TUBGCP3: variants seen among roughly 807,000 people sequenced by gnomAD.
The protein encoded by TUBGCP3 is tubulin gamma complex component 3, also known as gamma-tubulin complex component 3.
A neutral mutation model predicts 123.1 loss-of-function variants in TUBGCP3; 50 were observed. The ratio of observed to expected loss-of-function variants is 0.41; its 90% CI spans 0.32 to 0.51. The LOEUF is 0.51. Ranked by LOEUF, TUBGCP3 falls within the 20% of genes least tolerant of loss-of-function variation. The pLI is 0.36. For missense variants in TUBGCP3, 882 were observed against 1,127.0 expected, an observed-to-expected ratio of 0.78 and a Z score of 3.11; for synonymous variants, 405 against 413.9, an observed-to-expected ratio of 0.98 and a Z score of 0.26.
intron 17 of TUBGCP3, among the ~76,000 whole-genome samples, chr13:112,505,911 C>T (rs1055613058): frequency 4.6e-5 from 7 of 152,084 alleles, no homozygotes; most frequent in Non-Finnish European, 8.8e-5. Flanking sequence ...CTCACCTGCC[C>T]GGTGCCTGGG....
intron 1 of TUBGCP3, among the ~76,000 whole-genome samples, chr13:112,571,511 A>C (rs529421125): frequency 6.6e-6 from 1 of 152,330 alleles, no homozygotes; most frequent in Admixed American, 6.5e-5. Context: ...TAGATTTAGC[A>C]TAACTCCTAA....
chr13:112,518,448 G>A (rs530951410), intron 16 of TUBGCP3, among the ~76,000 whole-genome samples: 92 of 152,252 alleles, frequency 6.0e-4, no homozygotes, highest in Non-Finnish European at 1.1e-3. Context: ...TTAAAAATGC[G>A]CACTAAAAAG....
intron 11 of TUBGCP3, among the ~76,000 whole-genome samples, chr13:112,529,660 T>A (rs1015408900): frequency 6.6e-6 from 1 of 152,060 alleles, no homozygotes; most frequent in Non-Finnish European, 1.5e-5. Flanking sequence ...TCCCAATACC[T>A]AGAATCAGCC....
At chr13:112,583,163 T>C (rs1882389516) in intron 1 of TUBGCP3, among the ~76,000 whole-genome samples, 1 of 152,230 alleles carries the variant, frequency 6.6e-6, no homozygotes, top group Admixed American at 6.5e-5. Flanking sequence ...ACCATAATTC[T>C]ACCACAGTAT....
rs1881131165 is a variant in TUBGCP3, at chr13:112,504,282, G to C, written c.2176-119C>G. ...GCGGGCAGATCACCTGAGATCAGGAGTTAGAAACCAGCCTGGCCAACATGG... is the reference window on the plus strand; with the variant it reads ...GCGGGCAGATCACCTGAGATCAGGACTTAGAAACCAGCCTGGCCAACATGG... On this transcript the variant is annotated intron_variant, in intron 18 of 21. Transcript: ENST00000261965. 5.3e-6 allele frequency: 7 copies of C among 1,318,438 alleles called. 1 individual carries two copies. The South Asian group carries it at 8.7e-5, about 16-fold the overall frequency. 81.7% of individuals were successfully genotyped at this position (1,318,438 alleles called of 1,614,324 possible).
At chr13:112,540,391 C>A (rs1217984619) in intron 11 of TUBGCP3, among the ~76,000 whole-genome samples, 1 of 142,888 alleles carries the variant, frequency 7.0e-6, no homozygotes, top group African/African-American at 2.5e-5. Context: ...GGAGTGATGA[C>A]GTCAATGTAG....
chr13:112,494,172 C>T (rs1880365087), intron 20 of TUBGCP3, among the ~76,000 whole-genome samples: 2 of 151,858 alleles, frequency 1.3e-5, no homozygotes, highest in South Asian at 2.1e-4. Flanking sequence ...GCCTGGTGTG[C>T]CTGAGACGCT....
Position 112,555,076 on chromosome 13 carries a change from A to G in TUBGCP3, c.722-71T>C, listed in dbSNP as rs113427100. 2.2e-3 allele frequency: 2,166 copies of G among 962,862 alleles called. 32 individuals carry two copies. In the African/African-American group the frequency reaches 0.031, roughly 14 times the overall value. 59.6% of individuals were successfully genotyped at this position (962,862 alleles called of 1,614,324 possible). A position where few individuals can be genotyped will look rare whatever the true frequency, so the allele number is the denominator to read the frequency against. On this transcript the variant is annotated intron_variant, in intron 6 of 21. Transcript: ENST00000261965. ...AACAGACAATAGATATTATGGTGCA[A>G]TTAGCTTCAGATTAGATATTTGCCA...
chr13:112,556,040 A>G lies in TUBGCP3; in HGVS notation c.721+12T>C. On this transcript the variant is annotated intron_variant, in intron 6 of 21. Coordinates refer to ENST00000261965, the MANE Select transcript of TUBGCP3 (RefSeq NM_006322.6). ...TCACAGAAAAGCTGTATTAACATAG[A>G]TCCTTACTCACCACCCGTATCCCCT... The G allele has an allele frequency of 1.2e-6, 2 of 1,608,806 alleles. No homozygotes were observed. The highest frequency in any genetic ancestry group is 1.7e-5 in the Admixed American group (1 of 59,836).
intron 13 of TUBGCP3, among the ~76,000 whole-genome samples, chr13:112,525,120 T>A (rs138692804): frequency 6.6e-6 from 1 of 152,290 alleles, no homozygotes; most frequent in East Asian, 1.9e-4. Flanking sequence ...CTACATGAGG[T>A]CCTAGTCTGT....
At chr13:112,581,687 C>G (rs542822005) in intron 1 of TUBGCP3, among the ~76,000 whole-genome samples, 1 of 152,268 alleles carries the variant, frequency 6.6e-6, no homozygotes, top group Non-Finnish European at 1.5e-5. Flanking sequence ...ATCAAGCAAT[C>G]CTCCCGCCTT....
At chr13:112,531,798 A>C (rs1327848151) in intron 11 of TUBGCP3, among the ~76,000 whole-genome samples, 1 of 152,178 alleles carries the variant, frequency 6.6e-6, no homozygotes, top group Non-Finnish European at 1.5e-5. Flanking sequence ...AATTCTGTGA[A>C]AAATATAGAG....
chr13:112,498,336 G>C (rs1279241259), intron 20 of TUBGCP3, among the ~76,000 whole-genome samples: 1 of 152,014 alleles, frequency 6.6e-6, no homozygotes, highest in Non-Finnish European at 1.5e-5. Context: ...CTCGGAGAGG[G>C]GATGCAAGTC....
At position 112,519,029 on chromosome 13, in the gene TUBGCP3, G is replaced by C. The variant is rs1480511317; in HGVS notation, c.1896C>G (p.Asp632Glu). The change falls in exon 16 of 22, where the codon GAC (aspartate) becomes GAG (glutamate). Residue 632 changes from aspartate (D) to glutamate (E), a missense_variant. Physicochemically the swap from Asp to Glu is conservative, Grantham distance 45 (BLOSUM62 2). Coordinates refer to ENST00000261965, the MANE Select transcript of TUBGCP3 (RefSeq NM_006322.6). The surrounding 1 kb of genome is among the most constrained non-coding windows in gnomAD (Gnocchi z 6.2). ...DVRLLEVSPG[D>E]TGWDVFSLDY... ...CGAGGCTGAAGACATCCCATCCAGT[G>C]TCACCTGGAGAGACCTAACAACAGA... is the stretch of plus-strand genomic sequence containing the variant. The C allele has an allele frequency of 6.2e-7, 1 of 1,613,328 alleles. No individual in the cohort carries two copies. The highest frequency in any genetic ancestry group is 8.5e-7 in the Non-Finnish European group (1 of 1,179,228).
At chr13:112,555,885 A>G (rs1287395052) in intron 6 of TUBGCP3, among the ~76,000 whole-genome samples, 167 bp downstream of exon 6, 1 of 152,058 alleles carries the variant, frequency 6.6e-6, no homozygotes, top group East Asian at 1.9e-4. Context: ...GAAAAGCCAA[A>G]CTCCCCAAGG....
At position 112,558,308 on chromosome 13, in the gene TUBGCP3, G is replaced by A. The variant is rs371976077; in HGVS notation, c.436C>T (p.Arg146Trp). The A allele has an allele frequency of 2.1e-5, 34 of 1,613,784 alleles. No homozygotes were observed. Among genetic ancestry groups the A allele is most frequent in the Non-Finnish European group, 2.7e-5 (32 of 1,180,040 alleles). Residue 146 changes from arginine (R) to tryptophan (W), a missense_variant, in exon 5 of 22, where the codon CGG becomes TGG. This residue lies in a region of TUBGCP3 where 713 missense variants were observed against 874.0 expected (regional missense o/e 0.82). Coordinates refer to ENST00000261965, the MANE Select transcript of TUBGCP3 (RefSeq NM_006322.6). ...PQTLPLSYQDRSAQSAQSSGS... is the reference protein window; with the variant it reads ...PQTLPLSYQDWSAQSAQSSGS... ...GAGCTCTGGGCTGACTGGGCACTCC[G>A]ATCTTGGTAGCTCAGGGGAAGGGTC...
chr13:112,582,816 C>T lies in TUBGCP3; in HGVS notation c.76+5089G>A, dbSNP rs1159906859. 2.0e-5 allele frequency among the ~76,000 whole-genome samples: 3 copies of T among 152,182 alleles called. No homozygotes were observed. The East Asian group carries it at 5.8e-4, about 29-fold the overall frequency. ...GGTTCCTGGAAGGGGAGTGAACACT[C>T]CTCTGATGATCCTCTGAAATTATTT... On this transcript the variant is annotated intron_variant, in intron 1 of 21. Coordinates refer to ENST00000261965, the MANE Select transcript of TUBGCP3 (RefSeq NM_006322.6).
the TUBGCP3 span, among the ~76,000 whole-genome samples, chr13:112,599,624 A>G: frequency 6.6e-6 from 1 of 152,112 alleles, no homozygotes. Flanking sequence ...CTCCTACCTC[A>G]GCCTCCTGAG....
chr13:112,489,971 T>C lies in TUBGCP3; in HGVS notation c.2449-274A>G, dbSNP rs553695150. Reference sequence around the variant, plus strand: ...ATTGTATAACATGTAACAAGGTATATAATTCATCTCATTTCATGGGATGAA... The same window carrying C: ...ATTGTATAACATGTAACAAGGTATACAATTCATCTCATTTCATGGGATGAA... On this transcript the variant is annotated intron_variant, in intron 20 of 21. Transcript: ENST00000261965. 748 of 466,870 alleles carry C rather than the reference T, an allele frequency of 1.6e-3. 3 individuals are homozygous for C. The highest frequency in any genetic ancestry group is 2.2e-3 in the Non-Finnish European group (568 of 261,672). The allele number at this position is 466,870 out of a possible 1,614,324, so 28.9% of individuals were successfully genotyped here. A position where few individuals can be genotyped will look rare whatever the true frequency, so the allele number is the denominator to read the frequency against.
Sources: allele counts gnomAD v4.1 joint callset (sites outside exome capture counted in the v4.1 genomes callset), GRCh38; gene constraint gnomAD v4.1.1; regional missense constraint gnomAD v4.1.1; non-coding constraint Gnocchi (gnomAD v3.1); transcripts MANE v1.5; gene names NCBI Gene and HGNC (gene_info 2026-07-23, HGNC 2026-07-21).